Variants in LIMA1 observed in about 807,000 individuals in gnomAD.
The protein encoded by LIMA1 is LIM domain and actin-binding protein 1.
LIMA1 carries 52 observed loss-of-function variants against 62.6 expected under a neutral mutation model. That is an observed-to-expected ratio of 0.83 (90% confidence interval 0.67 to 1.05). The LOEUF (loss-of-function observed/expected upper bound fraction) is 1.05. Ranked by LOEUF, LIMA1 falls within the 50% of genes least tolerant of loss-of-function variation. The pLI, the probability that LIMA1 is intolerant of heterozygous loss-of-function variation, is 0.00. For synonymous variants in LIMA1, 302 were observed against 317.8 expected (o/e 0.95, Z 0.53); for missense variants, 780 against 902.2 (o/e 0.86, Z 1.74).
intron 4 of LIMA1, among the ~76,000 whole-genome samples, chr12:50,207,231 G>T (rs563794253): frequency 6.6e-6 from 1 of 152,188 alleles, no homozygotes; most frequent in South Asian, 2.1e-4. Context: ...GGCCAACAAA[G>T]ATTTTTTTTA....
At position 50,216,988 on chromosome 12, in the gene LIMA1, C is replaced by T. The variant is rs188634663; in HGVS notation, c.630+5033G>A. 2.0e-3 allele frequency among the ~76,000 whole-genome samples: 308 copies of T among 152,260 alleles called. 3 individuals carry two copies. The highest frequency in any genetic ancestry group is 6.8e-3 in the Middle Eastern group (2 of 294). ...TCAATTTTCATTATTTGGAAGGCAG[C>T]TATGCTTACCACTATACCACCAATG... On this transcript the variant is annotated intron_variant, in intron 4 of 10. Transcript: ENST00000341247.
chr12:50,183,263 A>G (rs903847332), intron 9 of LIMA1, among the ~76,000 whole-genome samples: 1 of 152,160 alleles, frequency 6.6e-6, no homozygotes, highest in African/African-American at 2.4e-5. Context: ...ATGGGAATGC[A>G]AAGTCCCTAG....
intron 2 of LIMA1, among the ~76,000 whole-genome samples, chr12:50,240,727 G>A (rs1941765891): frequency 6.6e-6 from 1 of 152,128 alleles, no homozygotes; most frequent in Non-Finnish European, 1.5e-5. Context: ...TGTGTCCGGA[G>A]CTCAGAAGAA....
At chr12:50,205,473 T>C (rs1463626876) in intron 5 of LIMA1, among the ~76,000 whole-genome samples, 2 of 152,096 alleles carry the variant, frequency 1.3e-5, no homozygotes, top group Admixed American at 1.3e-4. Flanking sequence ...TGTTTTCCTG[T>C]TTTTACTAAT....
intron 6 of LIMA1, 27 bp downstream of exon 6, chr12:50,204,525 A>G: frequency 6.3e-7 from 1 of 1,597,894 alleles, no homozygotes; most frequent in African/African-American, 1.3e-5. Context: ...GGAATGAATG[A>G]ATGAATGAAT....
Position 50,177,622 on chromosome 12 carries a change from A to G in LIMA1, c.1722T>C (p.Asp574=). Residue 574 remains aspartate (D), a synonymous_variant, in exon 11 of 11, where the codon GAT becomes GAC. Transcript: ENST00000341247. The part of the protein sequence containing the change: ...KPEVPEDVDL[D]LKKLRRSSSL... ...AAGAAGATCGTCTTAGCTTCTTCAG[A>G]TCTAGATCGACATCCTCAGGAACTT... The G allele has an allele frequency of 1.2e-6, 2 of 1,610,464 alleles. No homozygotes were observed. The highest frequency in any genetic ancestry group is 1.7e-6 in the Non-Finnish European group (2 of 1,178,374).
intron 1 of LIMA1, among the ~76,000 whole-genome samples, chr12:50,282,965 G>C (rs574759735): frequency 2.9e-4 from 44 of 152,342 alleles, no homozygotes; most frequent in African/African-American, 9.4e-4. Context: ...TCAAAAGGGT[G>C]TAAGTGTCTT....
At chr12:50,183,166 C>T (rs915849401) in intron 9 of LIMA1, among the ~76,000 whole-genome samples, 1 of 152,118 alleles carries the variant, frequency 6.6e-6, no homozygotes, top group African/African-American at 2.4e-5. Context: ...GGCGCCACTG[C>T]ACTCCAGCCT....
chr12:50,183,810 CAAAA>C lies in LIMA1; in HGVS notation c.1141-1777_1141-1774del, dbSNP rs34778877. ...TGGGCAACAGAGTGAGACTTGGTCT[CAAAA>C]AAAAAAAAAAAAAAAAAAAACCCAA... On this transcript the variant is annotated intron_variant, in intron 9 of 10. Coordinates refer to ENST00000341247, the MANE Select transcript of LIMA1 (RefSeq NM_016357.5). Among the ~76,000 whole-genome samples, 8 of 56,454 alleles carry C rather than the reference CAAAA, an allele frequency of 1.4e-4. No individual in the cohort carries two copies. In the Admixed American group the frequency reaches 2.0e-3, roughly 14 times the overall value. The allele number at this position is 56,454 out of a possible 152,430, so 37.0% of individuals were successfully genotyped here.
chr12:50,177,855 G>C lies in LIMA1; in HGVS notation c.1489C>G (p.Pro497Ala). ...GCCAGGACACCCACCTTAGCAATAG[G>C]GGCATCTTCTACCCCTGGGCTGTGA... The part of the protein sequence containing the change: ...TPHSPGVEDA[P>A]IAKVGVLAAS... The change falls in exon 11 of 11, where the codon CCT becomes GCT. Residue 497 changes from proline (P) to alanine (A), a missense_variant. By Grantham distance (27) the Pro-to-Ala change is conservative (BLOSUM62 -1). Transcript: ENST00000341247. 1 of 1,613,084 alleles carries C rather than the reference G, an allele frequency of 6.2e-7. No homozygotes were observed.
At chr12:50,268,500 AT>A (rs1942166786) in intron 1 of LIMA1, among the ~76,000 whole-genome samples, 2 of 152,148 alleles carry the variant, frequency 1.3e-5, no homozygotes, top group Admixed American at 1.3e-4. Context: ...AAGCCTGAGG[AT>A]TGGTTATTGA....
chr12:50,221,911 A>G, intron 4 of LIMA1, 110 bp downstream of exon 4: 1 of 852,212 alleles, frequency 1.2e-6, no homozygotes, highest in South Asian at 1.7e-5. Flanking sequence ...TGGAATCAAA[A>G]GACATACTGA....
At chr12:50,221,315 C>A (rs969308422) in intron 4 of LIMA1, among the ~76,000 whole-genome samples, 5 of 151,912 alleles carry the variant, frequency 3.3e-5, no homozygotes, top group African/African-American at 1.2e-4. Flanking sequence ...GCTCTGTGGC[C>A]TCTGGATTGT....
chr12:50,204,663 A>G lies in LIMA1; in HGVS notation c.753T>C (p.Asn251=), dbSNP rs1555205753. 1.2e-6 allele frequency: 2 copies of G among 1,614,140 alleles called. No individual in the cohort carries two copies. The highest frequency in any genetic ancestry group is 2.2e-5 in the South Asian group (2 of 91,084). ...LSSSTFDSEK[N]ESRRNLELPR... ...GAAGTTCCAGATTTCGTCTACTCTCATTTTTCTCCGAGTCAAATGTAGAAG... is the reference window on the plus strand; with the variant it reads ...GAAGTTCCAGATTTCGTCTACTCTCGTTTTTCTCCGAGTCAAATGTAGAAG... Residue 251 remains asparagine (N), a synonymous_variant, in exon 6 of 11, where the codon AAT becomes AAC. Coordinates refer to ENST00000341247, the MANE Select transcript of LIMA1 (RefSeq NM_016357.5).
At chr12:50,240,036 CATAACATAACATAACATAACATAAA>C (rs915084332) in intron 2 of LIMA1, among the ~76,000 whole-genome samples, 1 of 149,518 alleles carries the variant, frequency 6.7e-6, no homozygotes, top group African/African-American at 2.5e-5. Context: ...CATAACATAA[CATAACATAACATAACATAACATAAA>C]ATAAAAAATT....
Position 50,280,144 on chromosome 12 carries a change from A to ATTTTTTTTTTTTTTTTTTT in LIMA1, c.-24+3257_-24+3275dup, listed in dbSNP as rs71441354. On this transcript the variant is annotated intron_variant, in intron 1 of 10. Coordinates refer to ENST00000341247, the MANE Select transcript of LIMA1 (RefSeq NM_016357.5). ...AAGTTCTTAGTTTCAGGGTAGTAGT[A>ATTTTTTTTTTTTTTTTTTT]TTTTTTTTTTTTTTTTTTTTTTTTT... 1.2e-4 allele frequency among the ~76,000 whole-genome samples: 8 copies of ATTTTTTTTTTTTTTTTTTT among 68,310 alleles called. 1 individual carries two copies. The highest frequency in any genetic ancestry group is 4.8e-4 in the African/African-American group (8 of 16,604). 44.8% of individuals were successfully genotyped at this position (68,310 alleles called of 152,430 possible).
chr12:50,185,188 G>A (rs1174557438), intron 9 of LIMA1, among the ~76,000 whole-genome samples: 1 of 152,132 alleles, frequency 6.6e-6, no homozygotes, highest in Non-Finnish European at 1.5e-5. Context: ...GCTCATTCTG[G>A]TCAGTAAAGA....
intron 3 of LIMA1, among the ~76,000 whole-genome samples, chr12:50,225,001 C>G (rs1941505223): frequency 6.8e-6 from 1 of 147,764 alleles, no homozygotes; most frequent in Admixed American, 7.0e-5. Flanking sequence ...CTCCTGGATT[C>G]AAGCAATTCT....
At chr12:50,214,757 G>A (rs1941315723) in intron 4 of LIMA1, among the ~76,000 whole-genome samples, 1 of 152,260 alleles carries the variant, frequency 6.6e-6, no homozygotes, top group East Asian at 1.9e-4. Context: ...AGTGAGCTGG[G>A]ATTGTGCCAC....
Sources: gnomAD v4.1 joint callset for allele counts (sites outside exome capture counted in the v4.1 genomes callset) on GRCh38, gnomAD v4.1.1 for gene constraint, MANE v1.5 for transcripts, NCBI Gene and HGNC (gene_info 2026-07-23, HGNC 2026-07-21) for gene names.